Variants in RASSF8 observed in about 807,000 individuals in gnomAD.
The protein encoded by RASSF8 is ras association domain-containing protein 8.
Under a neutral mutation model 48.5 loss-of-function variants are expected in RASSF8, and 22 were observed. The observed-to-expected ratio is 0.45, with a 90% CI of 0.32 to 0.65. The LOEUF is 0.65. Among genes scored for constraint, RASSF8 ranks in the 30% least tolerant of loss-of-function variants. The pLI is 0.03. For synonymous variants in RASSF8, 127 were observed against 171.5 expected (o/e 0.74, Z 2.03); for missense variants, 418 against 489.2 (o/e 0.85, Z 1.37).
chr12:26,058,494 G>A (rs947153064), intron 3 of RASSF8, among the ~76,000 whole-genome samples: 7 of 151,904 alleles, frequency 4.6e-5, no homozygotes, highest in Admixed American at 2.6e-4. Flanking sequence ...TTAAGTGCGC[G>A]TCTTTGCCTC....
rs1943960303 is a variant in RASSF8 at position 26,069,700 on chromosome 12, A to T, written c.*882A>T. The T allele has an allele frequency of 8.1e-6, 8 of 985,338 alleles. No homozygotes were observed. In the South Asian group the frequency reaches 3.3e-4, roughly 40 times the overall value. The allele number at this position is 985,338 out of a possible 1,614,324, so 61.0% of individuals were successfully genotyped here. A position where few individuals can be genotyped will look rare whatever the true frequency, so the allele number is the denominator to read the frequency against. ...AACATGGAAGTTATAGATACCTGAA[A>T]GCTGGGTTGGTCTACTTCAGGAACA... On this transcript the variant is annotated 3_prime_UTR_variant, in exon 6 of 6. Coordinates refer to ENST00000689635, the MANE Select transcript of RASSF8 (RefSeq NM_001394098.1).
At chr12:26,007,111 G>T (rs901426551) in intron 2 of RASSF8, among the ~76,000 whole-genome samples, 1 of 152,016 alleles carries the variant, frequency 6.6e-6, no homozygotes, top group Non-Finnish European at 1.5e-5. Context: ...GAGGGAGGAG[G>T]TGCCAGGCTC....
rs1038265597 is a variant in RASSF8, at chr12:26,069,318, C to T, written c.*500C>T. The T allele has an allele frequency of 7.1e-6, 7 of 985,250 alleles. No homozygotes were observed. Among genetic ancestry groups the T allele is most frequent in the Non-Finnish European group, 7.2e-6 (6 of 829,552 alleles). 61.0% of individuals were successfully genotyped at this position (985,250 alleles called of 1,614,324 possible). A position where few individuals can be genotyped will look rare whatever the true frequency, so the allele number is the denominator to read the frequency against. ...CCATGCATTGCTGATTTACACTACA[C>T]AAGTGTCCTAGGGTGCTCCACCATC... On this transcript the variant is annotated 3_prime_UTR_variant, in exon 6 of 6. Coordinates refer to ENST00000689635, the MANE Select transcript of RASSF8 (RefSeq NM_001394098.1).
chr12:26,078,001 A>G (rs1944086420), intron 5 of RASSF8, among the ~76,000 whole-genome samples: 1 of 152,356 alleles, frequency 6.6e-6, no homozygotes, highest in African/African-American at 2.4e-5. Flanking sequence ...GCAGAGTTCT[A>G]CAGAAGCATA....
At position 26,037,112 on chromosome 12, in the gene RASSF8, A is replaced by G. The variant is rs189248735; in HGVS notation, c.-108-18124A>G. 9.8e-5 allele frequency among the ~76,000 whole-genome samples: 15 copies of G among 152,322 alleles called. No individual in the cohort carries two copies. The South Asian group carries it at 1.5e-3, about 15-fold the overall frequency. On this transcript the variant is annotated intron_variant, in intron 2 of 5. Transcript: ENST00000689635. ...GTGTGAAAAAGTCTACCCAGGGACT[A>G]TAAAAGCCGTAAAGATTAAATTCGG...
chr12:25,986,916 C>T (rs1941892388), intron 1 of RASSF8, among the ~76,000 whole-genome samples: 1 of 85,862 alleles, frequency 1.2e-5, no homozygotes, highest in Non-Finnish European at 2.6e-5. Context: ...ATTGAACTAC[C>T]GTTTTTTTTT....
At chr12:26,054,307 TAAAG>T (rs1188444664) in intron 2 of RASSF8, among the ~76,000 whole-genome samples, 6 of 152,112 alleles carry the variant, frequency 3.9e-5, no homozygotes, top group African/African-American at 9.7e-5. Flanking sequence ...ATACAGGAAA[TAAAG>T]AATATTTGGT....
At chr12:25,973,621 A>G (rs1354924162) in intron 1 of RASSF8, 2 of 152,156 alleles carry the variant, frequency 1.3e-5, no homozygotes, top group South Asian at 4.1e-4. Flanking sequence ...TCAAGTCCAT[A>G]TGTTGACATC....
chr12:26,004,605 AAG>A (rs1942341880), intron 2 of RASSF8, among the ~76,000 whole-genome samples: 2 of 152,208 alleles, frequency 1.3e-5, no homozygotes, highest in African/African-American at 2.4e-5. Context: ...ACAATGAAGT[AAG>A]AGAAAAGACA....
At chr12:26,042,998 C>A (rs1565633158) in intron 2 of RASSF8, among the ~76,000 whole-genome samples, 1 of 152,148 alleles carries the variant, frequency 6.6e-6, no homozygotes, top group Admixed American at 6.5e-5. Flanking sequence ...CATTCCCCCC[C>A]TAGTTAAGCA....
At chr12:26,036,376 G>A (rs1943150792) in intron 2 of RASSF8, among the ~76,000 whole-genome samples, 1 of 151,844 alleles carries the variant, frequency 6.6e-6, no homozygotes, top group Admixed American at 6.6e-5. Flanking sequence ...TCTTACCAAG[G>A]AATAAATAGA....
downstream of RASSF8, among the ~76,000 whole-genome samples, chr12:26,077,311 G>T (rs1437848889): frequency 6.6e-6 from 1 of 152,144 alleles, no homozygotes; most frequent in Non-Finnish European, 1.5e-5. Flanking sequence ...ATTGCTTTTG[G>T]TATTTTAGTC....
chr12:26,068,086 A>T (rs1261101552), intron 5 of RASSF8, among the ~76,000 whole-genome samples: 3 of 152,134 alleles, frequency 2.0e-5, no homozygotes, highest in African/African-American at 7.2e-5. Flanking sequence ...CTTAACTTTG[A>T]ATAAACTACT....
downstream of RASSF8, among the ~76,000 whole-genome samples, chr12:26,073,077 G>A (rs1048936541): frequency 1.3e-5 from 2 of 152,302 alleles, no homozygotes; most frequent in South Asian, 4.1e-4. Context: ...TTTCAAAAGT[G>A]AAAGAAGAAA....
intron 1 of RASSF8, among the ~76,000 whole-genome samples, chr12:25,976,775 A>C (rs750608116): frequency 1.3e-5 from 2 of 152,008 alleles, no homozygotes; most frequent in Non-Finnish European, 2.9e-5. Context: ...AACCTGGACA[A>C]CTTGGAGTCA....
At chr12:25,990,961 A>T (rs1304702319) in intron 1 of RASSF8, among the ~76,000 whole-genome samples, 1 of 152,222 alleles carries the variant, frequency 6.6e-6, no homozygotes, top group Non-Finnish European at 1.5e-5. Context: ...GTCACAGAGT[A>T]GAGAGTAGCT....
chr12:26,026,867 C>T (rs73079024), intron 2 of RASSF8, among the ~76,000 whole-genome samples: 18,817 of 152,158 alleles, frequency 0.12, 1,530 homozygotes, highest in Admixed American at 0.2. Flanking sequence ...ATAGAGTTAT[C>T]ATATGACCCA....
At chr12:26,012,682 CTTTTTTTTT>C (rs775400464) in intron 2 of RASSF8, among the ~76,000 whole-genome samples, 1 of 131,802 alleles carries the variant, frequency 7.6e-6, no homozygotes, top group African/African-American at 2.8e-5. Context: ...GGCCTTTTTT[CTTTTTTTTT>C]TTTTTTTGAG....
intron 4 of RASSF8, among the ~76,000 whole-genome samples, chr12:26,065,949 T>TA (rs369608415): frequency 1.6e-4 from 25 of 152,266 alleles, no homozygotes; most frequent in African/African-American, 6.0e-4. Flanking sequence ...TCACTCAACT[T>TA]ACATTTCTTG....
Sources: gnomAD v4.1 joint callset for allele counts (sites outside exome capture counted in the v4.1 genomes callset) on GRCh38, gnomAD v4.1.1 for gene constraint, MANE v1.5 for transcripts, NCBI Gene and HGNC (gene_info 2026-07-23, HGNC 2026-07-21) for gene names.